The following FOXP1 variants were observed in gnomAD, a reference collection of about 807,000 sequenced individuals.
The protein encoded by FOXP1 is forkhead box protein P1.
In FOXP1, 15 loss-of-function variants were observed where a neutral mutation model predicts 98.2. The ratio of observed to expected loss-of-function variants is 0.15; its 90% CI spans 0.10 to 0.24. FOXP1 has a LOEUF of 0.24. Ranked by LOEUF, FOXP1 falls within the 10% of genes least tolerant of loss-of-function variation. FOXP1 has a pLI of 1.00. For missense variants in FOXP1, 633 were observed against 848.5 expected (o/e 0.75, Z 3.15); for synonymous variants, 371 against 314.5 (o/e 1.18, Z -1.90).
In FOXP1 at chr3:71,198,697, T is replaced by C. The variant is rs528941829; in HGVS notation, c.-11-305A>G. On this transcript the variant is annotated intron_variant, in intron 5 of 20. Transcript: ENST00000649528. ...GAATTCAAGATTAAATTTTTCTTTT[T>C]TCTTTTTTTTTTTGAGATGGAGCAC... Among the ~76,000 whole-genome samples, 16 of 152,254 alleles carry C rather than the reference T, an allele frequency of 1.1e-4. No homozygotes were observed. The South Asian group carries it at 3.1e-3, about 30-fold the overall frequency.
intron 6 of FOXP1, among the ~76,000 whole-genome samples, chr3:71,148,321 G>A (rs548198194): frequency 6.6e-6 from 1 of 152,216 alleles, no homozygotes; most frequent in East Asian, 1.9e-4. Context: ...AGGTTGCAGT[G>A]AGCAGAGATC....
chr3:71,085,161 G>A (rs2054895475), intron 7 of FOXP1, among the ~76,000 whole-genome samples: 2 of 151,862 alleles, frequency 1.3e-5, no homozygotes, highest in South Asian at 4.2e-4. Flanking sequence ...TTTCTTTTCT[G>A]AGACGAGGTC....
chr3:71,080,214 G>A (rs2054263321), intron 7 of FOXP1, among the ~76,000 whole-genome samples: 2 of 152,118 alleles, frequency 1.3e-5, no homozygotes, highest in Admixed American at 6.5e-5. Flanking sequence ...TAAATCAAAA[G>A]TGTCTAAACA....
At chr3:71,101,677 G>T (rs1051529348) in intron 7 of FOXP1, among the ~76,000 whole-genome samples, 5 of 77,552 alleles carry the variant, frequency 6.4e-5, no homozygotes, top group Non-Finnish European at 1.2e-4. Context: ...CTGGGAAAAA[G>T]CAAAAAAAAA....
intron 1 of FOXP1, 112 bp from the exon 2 acceptor site, chr3:71,581,809 G>A (rs954342080): frequency 3.0e-6 from 3 of 986,004 alleles, no homozygotes; most frequent in South Asian, 4.7e-5. Context: ...GACAGAGAGG[G>A]CAGCGGGCTC....
At chr3:71,397,088 A>ATATATATATACATATATATATATGTGTG (rs2081567069) in intron 3 of FOXP1, among the ~76,000 whole-genome samples, 3 of 6,492 alleles carry the variant, frequency 4.6e-4, no homozygotes, top group African/African-American at 2.1e-3. Context: ...ATATATGTGT[A>ATATATATATACATATATATATATGTGTG]TATATATATA....
At chr3:71,269,231 G>A (rs2107279265) in intron 5 of FOXP1, among the ~76,000 whole-genome samples, 1 of 151,608 alleles carries the variant, frequency 6.6e-6, no homozygotes, top group South Asian at 2.1e-4. Flanking sequence ...CCAGTTCTCA[G>A]TGTTACCTTG....
Position 71,397,464 on chromosome 3 carries a change from A to G in FOXP1, c.-167-38220T>C, listed in dbSNP as rs556184998. 7.9e-5 allele frequency among the ~76,000 whole-genome samples: 12 copies of G among 152,360 alleles called. No homozygotes were observed. In the East Asian group the frequency reaches 2.3e-3, roughly 29 times the overall value. On this transcript the variant is annotated intron_variant, in intron 3 of 20. Coordinates refer to ENST00000649528, the MANE Select transcript of FOXP1 (RefSeq NM_001349338.3). ...CCTGCGGTTCTTTGGATTGTTCAAC[A>G]AATACTTTCCAAATGTACATTATGT...
At chr3:71,229,947 G>T (rs1366527687) in intron 5 of FOXP1, among the ~76,000 whole-genome samples, 1 of 151,966 alleles carries the variant, frequency 6.6e-6, no homozygotes, top group Non-Finnish European at 1.5e-5. Flanking sequence ...AGGGATAATT[G>T]TGCCACTTCT....
At chr3:71,540,781 G>A (rs2044742497) in intron 2 of FOXP1, among the ~76,000 whole-genome samples, 1 of 152,194 alleles carries the variant, frequency 6.6e-6, no homozygotes, top group Admixed American at 6.5e-5. Context: ...TATGAATACA[G>A]ACATACACGC....
At chr3:71,237,439 G>C (rs1419893586) in intron 5 of FOXP1, among the ~76,000 whole-genome samples, 1 of 151,862 alleles carries the variant, frequency 6.6e-6, no homozygotes, top group East Asian at 1.9e-4. Context: ...CACGCTTCCA[G>C]GGCTCAAGAG....
chr3:71,296,270 C>T (rs1369889902), intron 5 of FOXP1: 4 of 152,216 alleles, frequency 2.6e-5, no homozygotes, highest in Admixed American at 2.6e-4. Flanking sequence ...CTCCTGGCAT[C>T]TGAAGTCTAC....
At chr3:71,293,479 T>TAAA (rs10642015) in intron 5 of FOXP1, among the ~76,000 whole-genome samples, 11,289 of 143,058 alleles carry the variant, frequency 0.079, 465 homozygotes, top group Non-Finnish European at 0.1. Context: ...CCCCATTTCT[T>TAAA]AAAAAAAAAA....
At chr3:71,210,724 G>C (rs528422853) in intron 5 of FOXP1, 1 of 152,344 alleles carries the variant, frequency 6.6e-6, no homozygotes, top group South Asian at 2.1e-4. Context: ...GTAGAGAAAA[G>C]TGAAGGGGCT....
At chr3:70,988,957 G>GA (rs1491574104) in intron 13 of FOXP1, among the ~76,000 whole-genome samples, 10 of 150,840 alleles carry the variant, frequency 6.6e-5, no homozygotes, top group Non-Finnish European at 1.5e-4. Context: ...AGATTAATAT[G>GA]AGAGAGAGAG....
chr3:71,547,243 C>T (rs971610569), intron 2 of FOXP1, among the ~76,000 whole-genome samples: 2 of 152,184 alleles, frequency 1.3e-5, no homozygotes, highest in African/African-American at 4.8e-5. Context: ...CATTTTAACA[C>T]TGTGAGGGGT....
At chr3:71,468,795 A>ACAG (rs780677528) in intron 3 of FOXP1, among the ~76,000 whole-genome samples, 4 of 152,204 alleles carry the variant, frequency 2.6e-5, no homozygotes, top group Admixed American at 6.5e-5. Flanking sequence ...GCTTTTAAGA[A>ACAG]CAGCACTTCA....
At chr3:71,356,447 T>C (rs990164137) in intron 4 of FOXP1, among the ~76,000 whole-genome samples, 6 of 152,058 alleles carry the variant, frequency 3.9e-5, no homozygotes, top group Admixed American at 2.6e-4. Context: ...CATCTATCAG[T>C]AAAACAACGA....
At chr3:71,269,098 G>T (rs370315281) in intron 5 of FOXP1, among the ~76,000 whole-genome samples, 1,472 of 136,702 alleles carry the variant, frequency 0.011, 23 homozygotes, top group African/African-American at 0.035. Context: ...GGTTTTTTTT[G>T]TTTTTTTTTT....
Sources: allele counts gnomAD v4.1 joint callset (sites outside exome capture counted in the v4.1 genomes callset), GRCh38; gene constraint gnomAD v4.1.1; transcripts MANE v1.5; gene names NCBI Gene and HGNC (gene_info 2026-07-23, HGNC 2026-07-21).